The following TYW1B variants were observed in gnomAD, a reference collection of about 807,000 sequenced individuals.
TYW1B encodes S-adenosyl-L-methionine-dependent tRNA 4-demethylwyosine synthase TYW1B.
Under a neutral mutation model 86.9 loss-of-function variants are expected in TYW1B, and 73 were observed. That is an observed-to-expected ratio of 0.84 (90% CI 0.70 to 1.02). The LOEUF is 1.02. Among genes scored for constraint, TYW1B ranks in the 50% least tolerant of loss-of-function variants. TYW1B has a pLI of 0.00. For missense variants in TYW1B, 637 were observed against 827.4 expected, an observed-to-expected ratio of 0.77 and a Z score of 2.82; for synonymous variants, 248 against 292.8, an observed-to-expected ratio of 0.85 and a Z score of 1.56.
At chr7:72,791,275 G>A (rs1554473341) in intron 6 of TYW1B, among the ~76,000 whole-genome samples, 1 of 151,960 alleles carries the variant, frequency 6.6e-6, no homozygotes, top group Non-Finnish European at 1.5e-5. Flanking sequence ...AGGGGGAGTT[G>A]GAACAAATGT....
At chr7:72,658,854 TG>T (rs1813266104) in intron 11 of TYW1B, among the ~76,000 whole-genome samples, 3 of 151,962 alleles carry the variant, frequency 2.0e-5, no homozygotes, top group African/African-American at 7.2e-5. Flanking sequence ...CCAAGCAGCT[TG>T]GATTATAGAC....
intron 8 of TYW1B, among the ~76,000 whole-genome samples, chr7:72,742,539 G>C (rs1464198329): frequency 1.3e-5 from 2 of 152,166 alleles, no homozygotes; most frequent in Non-Finnish European, 2.9e-5. Context: ...ATATAAAGTT[G>C]TAATTTGTGA....
At chr7:72,817,487 C>T (rs782017623) in intron 2 of TYW1B, among the ~76,000 whole-genome samples, 14 of 152,170 alleles carry the variant, frequency 9.2e-5, no homozygotes, top group East Asian at 3.9e-4. Flanking sequence ...TTTGGATATT[C>T]GTCCCCTCCA....
At chr7:72,654,873 T>TC (rs1404926185) in intron 11 of TYW1B, among the ~76,000 whole-genome samples, 1 of 152,038 alleles carries the variant, frequency 6.6e-6, no homozygotes, top group Non-Finnish European at 1.5e-5. Context: ...AGAGAGAGAC[T>TC]CCATCTCAAA....
chr7:72,732,574 G>A (rs560208246), intron 8 of TYW1B, among the ~76,000 whole-genome samples: 2 of 152,182 alleles, frequency 1.3e-5, no homozygotes, highest in Admixed American at 6.5e-5. Flanking sequence ...ACAAATGAAA[G>A]TAGAAGCAAA....
intron 3 of TYW1B, among the ~76,000 whole-genome samples, chr7:72,813,781 G>A (rs781792625): frequency 1.3e-5 from 2 of 152,152 alleles, no homozygotes; most frequent in Non-Finnish European, 1.5e-5. Context: ...ATGGGAGGCC[G>A]AGGCAAATAA....
At chr7:72,578,145 G>A (rs1443136451) in intron 13 of TYW1B, among the ~76,000 whole-genome samples, 3 of 140,216 alleles carry the variant, frequency 2.1e-5, no homozygotes, top group African/African-American at 5.4e-5. Context: ...ACGGAGTCTC[G>A]CTCTGTCACC....
At chr7:72,592,074 C>T (rs546384904) in intron 13 of TYW1B, among the ~76,000 whole-genome samples, 2 of 150,950 alleles carry the variant, frequency 1.3e-5, no homozygotes, top group East Asian at 3.9e-4. Flanking sequence ...CTGCCCACCT[C>T]GGCCTCCCAA....
chr7:72,658,976 C>A (rs1813268907), intron 11 of TYW1B, among the ~76,000 whole-genome samples: 1 of 152,172 alleles, frequency 6.6e-6, no homozygotes, highest in Non-Finnish European at 1.5e-5. Context: ...CCACCTTGGC[C>A]TCCCAAAGTG....
At chr7:72,700,804 T>C (rs1185182304) in intron 10 of TYW1B, among the ~76,000 whole-genome samples, 5 of 152,140 alleles carry the variant, frequency 3.3e-5, no homozygotes, top group Admixed American at 2.0e-4. Context: ...TGGTGGCTCA[T>C]GCCTGTAATC....
chr7:72,755,201 T>C (rs1489577086), intron 7 of TYW1B, among the ~76,000 whole-genome samples: 1 of 152,118 alleles, frequency 6.6e-6, no homozygotes, highest in Non-Finnish European at 1.5e-5. Context: ...GTGGATCACT[T>C]GAGTGCAGGA....
intron 11 of TYW1B, among the ~76,000 whole-genome samples, chr7:72,687,721 A>C (rs36094588): frequency 6.6e-6 from 1 of 152,184 alleles, no homozygotes; most frequent in Non-Finnish European, 1.5e-5. Context: ...CTACGATGAT[A>C]AAAGTTGGCA....
intron 7 of TYW1B, among the ~76,000 whole-genome samples, chr7:72,760,211 G>A (rs1465324062): frequency 6.6e-6 from 1 of 152,184 alleles, no homozygotes; most frequent in East Asian, 1.9e-4. Context: ...TAGCTATTAT[G>A]TAAATGTTGA....
At chr7:72,720,946 T>C (rs1475794503) in intron 9 of TYW1B, among the ~76,000 whole-genome samples, 3 of 136,980 alleles carry the variant, frequency 2.2e-5, no homozygotes, top group African/African-American at 8.0e-5. Context: ...CCCCTTCCTA[T>C]GTCTAAGTGT....
chr7:72,790,247 G>C (rs1244919928), intron 6 of TYW1B, among the ~76,000 whole-genome samples: 1 of 151,998 alleles, frequency 6.6e-6, no homozygotes, highest in East Asian at 1.9e-4. Context: ...TGCCCGGCCA[G>C]GAGTATCTTT....
chr7:72,644,371 A>C (rs1554441794), intron 11 of TYW1B, among the ~76,000 whole-genome samples: 1 of 152,110 alleles, frequency 6.6e-6, no homozygotes, highest in African/African-American at 2.4e-5. Flanking sequence ...AAGATGGTGA[A>C]GCCCTGTCTC....
At chr7:72,577,569 C>G (rs1254626498) in intron 13 of TYW1B, among the ~76,000 whole-genome samples, 1 of 152,194 alleles carries the variant, frequency 6.6e-6, no homozygotes, top group Non-Finnish European at 1.5e-5. Flanking sequence ...TTCCCTGGCC[C>G]TTCACACCTC....
At chr7:72,639,862 T>C (rs1554441280) in intron 11 of TYW1B, among the ~76,000 whole-genome samples, 1 of 105,306 alleles carries the variant, frequency 9.5e-6, no homozygotes, top group African/African-American at 5.2e-5. Context: ...TGAGACTCCA[T>C]CTCAAAAAAA....
intron 13 of TYW1B, among the ~76,000 whole-genome samples, chr7:72,603,001 T>C (rs1811704284): frequency 6.6e-6 from 1 of 152,070 alleles, no homozygotes; most frequent in South Asian, 2.1e-4. Flanking sequence ...ATTATAACCC[T>C]AGGTAAAAAA....
Sources: gnomAD v4.1 joint callset for allele counts (sites outside exome capture counted in the v4.1 genomes callset) on GRCh38, gnomAD v4.1.1 for gene constraint, MANE v1.5 for transcripts, NCBI Gene and HGNC (gene_info 2026-07-23, HGNC 2026-07-21) for gene names.